The following SCHIP1 variants were observed in gnomAD, a reference collection of about 807,000 sequenced individuals.
SCHIP1 encodes schwannomin-interacting protein 1.
In SCHIP1, 8 loss-of-function variants were observed where a neutral mutation model predicts 29.7. The observed-to-expected ratio is 0.27, with a 90% CI of 0.16 to 0.49. SCHIP1 has a LOEUF of 0.49. Among genes scored for constraint, SCHIP1 ranks in the 20% least tolerant of loss-of-function variants. The probability of loss-of-function intolerance (pLI) is 0.99; values close to 1 mark genes in which losing one functional copy is unlikely to be tolerated. For synonymous variants in SCHIP1, 76 were observed against 94.9 expected, an observed-to-expected ratio of 0.80 and a Z score of 1.16; for missense variants, 193 against 294.6, an observed-to-expected ratio of 0.66 and a Z score of 2.52.
At chr3:159,763,172 C>G in the SCHIP1 span, among the ~76,000 whole-genome samples, 1 of 152,070 alleles carries the variant, frequency 6.6e-6, no homozygotes, top group African/African-American at 2.4e-5. Flanking sequence ...GGCGGCAAGG[C>G]GGCTGGAGCT....
the SCHIP1 span, among the ~76,000 whole-genome samples, chr3:159,589,639 C>A: frequency 6.6e-6 from 1 of 152,146 alleles, no homozygotes; most frequent in Admixed American, 6.6e-5. Flanking sequence ...AAACTTTACA[C>A]ATGTGTACTA....
chr3:159,727,561 A>G, the SCHIP1 span, among the ~76,000 whole-genome samples: 3 of 150,592 alleles, frequency 2.0e-5, no homozygotes. Context: ...ATATTTATTC[A>G]ATTTTTTTAA....
chr3:159,869,364 G>GA (rs1714990705), intron 2 of SCHIP1, among the ~76,000 whole-genome samples: 1 of 151,800 alleles, frequency 6.6e-6, no homozygotes, highest in South Asian at 2.1e-4. Flanking sequence ...ACCAAGAGTC[G>GA]AAAGTGTTGA....
intron 2 of SCHIP1, among the ~76,000 whole-genome samples, chr3:159,880,423 T>A (rs1716315785): frequency 6.6e-6 from 1 of 152,186 alleles, no homozygotes; most frequent in Admixed American, 6.5e-5. Context: ...TTTCTTGAGG[T>A]CCCTTCCAAT....
chr3:159,720,586 T>C, the SCHIP1 span, among the ~76,000 whole-genome samples: 3 of 152,150 alleles, frequency 2.0e-5, no homozygotes, highest in Admixed American at 2.0e-4. Context: ...TTCTTTTTTT[T>C]TCTTTTTTCT....
the SCHIP1 span, among the ~76,000 whole-genome samples, chr3:159,698,141 G>A: frequency 6.6e-6 from 1 of 152,168 alleles, no homozygotes; most frequent in South Asian, 2.1e-4. Flanking sequence ...TATTATCATG[G>A]TAATTTTATA....
At chr3:159,541,338 A>G in the SCHIP1 span, among the ~76,000 whole-genome samples, 6 of 152,234 alleles carry the variant, frequency 3.9e-5, no homozygotes, top group African/African-American at 1.4e-4. Context: ...CAGGGGCATA[A>G]ACATTCTAAA....
chr3:159,518,938 T>G, the SCHIP1 span, among the ~76,000 whole-genome samples: 1 of 152,122 alleles, frequency 6.6e-6, no homozygotes, highest in African/African-American at 2.4e-5. Flanking sequence ...GGTAGAAAAT[T>G]TACACGTCAA....
At chr3:159,483,155 C>T in the SCHIP1 span, among the ~76,000 whole-genome samples, 4 of 152,138 alleles carry the variant, frequency 2.6e-5, no homozygotes, top group South Asian at 2.1e-4. Context: ...TTTTTCTAAA[C>T]GAATTCAAAT....
the SCHIP1 span, among the ~76,000 whole-genome samples, chr3:159,637,901 G>A: frequency 6.6e-6 from 1 of 152,120 alleles, no homozygotes; most frequent in Non-Finnish European, 1.5e-5. Flanking sequence ...TATGCCCATA[G>A]AATTAAGACT....
At chr3:159,434,741 T>C in the SCHIP1 span, among the ~76,000 whole-genome samples, 1 of 152,180 alleles carries the variant, frequency 6.6e-6, no homozygotes, top group South Asian at 2.1e-4. Flanking sequence ...ATTGAGTTTC[T>C]ATTTTGTTTA....
chr3:159,856,948 C>A (rs1436816592), intron 1 of SCHIP1, among the ~76,000 whole-genome samples: 1 of 152,176 alleles, frequency 6.6e-6, no homozygotes, highest in African/African-American at 2.4e-5. Flanking sequence ...CAGCCGTCGA[C>A]CTCCATTAAC....
chr3:159,887,815 C>T, exon 4 of SCHIP1: 2 of 1,613,996 alleles, frequency 1.2e-6, no homozygotes, highest in Non-Finnish European at 1.7e-6. Context: ...AAGCTGAAGC[C>T]AAAATGGCCC....
At chr3:159,309,155 A>AAT in the SCHIP1 span, 1 of 228,372 alleles carries the variant, frequency 4.4e-6, no homozygotes, top group Non-Finnish European at 7.2e-6. Flanking sequence ...TTAAAAAAAA[A>AAT]CAATTATAAT....
chr3:159,287,023 G>A, the SCHIP1 span, among the ~76,000 whole-genome samples: 4 of 152,080 alleles, frequency 2.6e-5, no homozygotes, highest in Non-Finnish European at 5.9e-5. Flanking sequence ...TAGGTTGTCT[G>A]TTTACTCTGG....
chr3:159,816,096 A>G, the SCHIP1 span, among the ~76,000 whole-genome samples: 3 of 151,934 alleles, frequency 2.0e-5, no homozygotes, highest in Non-Finnish European at 4.4e-5. Flanking sequence ...TTACAGGTGC[A>G]TGCCACCACA....
exon 4 of SCHIP1, chr3:159,887,841 C>G: frequency 6.2e-7 from 1 of 1,613,994 alleles, no homozygotes; most frequent in Non-Finnish European, 8.5e-7. Context: ...ATGGCCAAAC[C>G]AATGGCCAAA....
At chr3:159,387,276 C>A in the SCHIP1 span, 5 of 239,598 alleles carry the variant, frequency 2.1e-5, no homozygotes, top group Non-Finnish European at 4.2e-5. Flanking sequence ...TGGGCATAAT[C>A]TTTAAATTTT....
chr3:159,308,523 T>C, the SCHIP1 span, among the ~76,000 whole-genome samples: 1 of 152,032 alleles, frequency 6.6e-6, no homozygotes, highest in African/African-American at 2.4e-5. Flanking sequence ...CAGATGCTGG[T>C]AAGACTATGG....
Sources: allele counts gnomAD v4.1 joint callset (sites outside exome capture counted in the v4.1 genomes callset), GRCh38; gene constraint gnomAD v4.1.1; transcripts MANE v1.5; gene names NCBI Gene and HGNC (gene_info 2026-07-23, HGNC 2026-07-21).